STYK1: variants seen among roughly 807,000 people sequenced by gnomAD.
STYK1 encodes STY kinase 1.
Under a neutral mutation model 48.1 loss-of-function variants are expected in STYK1, and 46 were observed. The observed-to-expected ratio is 0.96, with a 90% CI of 0.75 to 1.22. The LOEUF (loss-of-function observed/expected upper bound fraction) is 1.22. Ranked by LOEUF, STYK1 falls within the 50% of genes most tolerant of loss-of-function variation. The pLI, the probability that STYK1 is intolerant of heterozygous loss-of-function variation, is 0.00. For synonymous variants in STYK1, 188 were observed against 189.0 expected (o/e 0.99, Z 0.04); for missense variants, 527 against 521.1 (o/e 1.01, Z -0.11).
chr12:10,644,042 A>C (rs1252936860), intron 1 of STYK1, among the ~76,000 whole-genome samples: 2 of 152,238 alleles, frequency 1.3e-5, no homozygotes. Flanking sequence ...CAACACTTAG[A>C]TGGAACTTAA....
chr12:10,628,492 A>T (rs1344518800), intron 6 of STYK1, among the ~76,000 whole-genome samples: 2 of 152,234 alleles, frequency 1.3e-5, no homozygotes, highest in Admixed American at 1.3e-4. Context: ...CAAGTTTTAG[A>T]TGAGTGACCT....
chr12:10,669,442 T>A (rs571992457), intron 1 of STYK1, among the ~76,000 whole-genome samples: 7 of 151,274 alleles, frequency 4.6e-5, no homozygotes, highest in African/African-American at 1.7e-4. Flanking sequence ...TAAAAATAGA[T>A]AATATACTCA....
intron 1 of STYK1, among the ~76,000 whole-genome samples, chr12:10,652,286 T>C (rs1947670707): frequency 6.6e-6 from 1 of 152,124 alleles, no homozygotes; most frequent in Non-Finnish European, 1.5e-5. Context: ...CTCCCCCTCC[T>C]CCCTTCATTC....
intron 10 of STYK1, 114 bp from the exon 11 acceptor site, chr12:10,620,462 G>C: frequency 1.1e-6 from 1 of 935,456 alleles, no homozygotes; most frequent in South Asian, 1.6e-5. Flanking sequence ...ATTGTCTTCT[G>C]TTTGCCCTGT....
chr12:10,624,546 T>C (rs1947333652), intron 8 of STYK1, 105 bp downstream of exon 8: 1 of 976,936 alleles, frequency 1.0e-6, no homozygotes, highest in South Asian at 1.5e-5. Context: ...GATTTCTAAG[T>C]AGAGATTATA....
Position 10,618,996 on chromosome 12 carries a change from T to A in STYK1, c.*1148A>T, listed in dbSNP as rs962033262. The A allele has an allele frequency of 5.3e-5, 8 of 152,198 alleles. No homozygotes were observed. Among genetic ancestry groups the A allele is most frequent in the Admixed American group, 1.3e-4 (2 of 15,264 alleles). 9.4% of individuals were successfully genotyped at this position (152,198 alleles called of 1,614,324 possible). A position where few individuals can be genotyped will look rare whatever the true frequency, so the allele number is the denominator to read the frequency against. On this transcript the variant is annotated 3_prime_UTR_variant, in exon 11 of 11. Transcript: ENST00000075503. Reference sequence around the variant, plus strand: ...TGCCAGATAGTGTACAAATACATACTCAAAACGTATCAATCCTCAGAACAA... The same window carrying A: ...TGCCAGATAGTGTACAAATACATACACAAAACGTATCAATCCTCAGAACAA...
intron 1 of STYK1, among the ~76,000 whole-genome samples, chr12:10,654,574 C>A (rs1408791199): frequency 6.6e-6 from 1 of 152,066 alleles, no homozygotes; most frequent in Non-Finnish European, 1.5e-5. Context: ...TATGTTTTGC[C>A]CAGGTAAAGG....
chr12:10,672,829 T>C lies in STYK1; in HGVS notation c.-195+1137A>G, dbSNP rs1947904209. On this transcript the variant is annotated intron_variant, in intron 1 of 10. Transcript: ENST00000075503. The surrounding 1 kb of genome is among the most constrained non-coding windows in gnomAD (Gnocchi z 4.0). ...GAACGAAAAAGTATATGATTTTCATTGAAGCAAATACTTCATGATGTCTCA... is the reference window on the plus strand; with the variant it reads ...GAACGAAAAAGTATATGATTTTCATCGAAGCAAATACTTCATGATGTCTCA... 6.6e-6 allele frequency among the ~76,000 whole-genome samples: 1 copy of C among 152,216 alleles called. No individual in the cohort carries two copies. The highest frequency in any genetic ancestry group is 2.1e-4 in the South Asian group (1 of 4,830).
At chr12:10,632,473 G>C (rs1947440228) in intron 4 of STYK1, among the ~76,000 whole-genome samples, 1 of 152,158 alleles carries the variant, frequency 6.6e-6, no homozygotes, top group Non-Finnish European at 1.5e-5. Flanking sequence ...TCATTGGAGA[G>C]TAGTAGGAGA....
rs550685331 is a variant in STYK1 at position 10,620,037 on chromosome 12, T to C, written c.*107A>G. 13 of 1,222,894 alleles carry C rather than the reference T, an allele frequency of 1.1e-5. No homozygotes were observed. In the African/African-American group the frequency reaches 1.3e-4, roughly 13 times the overall value. 75.8% of individuals were successfully genotyped at this position (1,222,894 alleles called of 1,614,324 possible). On this transcript the variant is annotated 3_prime_UTR_variant, in exon 11 of 11. Transcript: ENST00000075503. ...TGTGTAAAGGAAGATCAAGAATCCA[T>C]GTCCCATTTCTCCCTTTGTGTCCCT...
intron 4 of STYK1, 145 bp downstream of exon 4, chr12:10,633,845 T>G (rs1947455526): frequency 1.0e-6 from 1 of 954,178 alleles, no homozygotes; most frequent in African/African-American, 1.6e-5. Flanking sequence ...ATCATCCCCC[T>G]CTCAACTCCA....
intron 1 of STYK1, among the ~76,000 whole-genome samples, chr12:10,671,335 A>T (rs1248749267): frequency 6.6e-6 from 1 of 152,192 alleles, no homozygotes; most frequent in Non-Finnish European, 1.5e-5. Context: ...AAGGGGAATT[A>T]AGGTTACAGA....
chr12:10,632,285 C>A (rs1251750116), intron 4 of STYK1, among the ~76,000 whole-genome samples: 2 of 152,140 alleles, frequency 1.3e-5, no homozygotes, highest in Non-Finnish European at 2.9e-5. Flanking sequence ...CAAGAAAGGC[C>A]TTTCTGATGA....
chr12:10,671,938 C>T (rs148364430), intron 1 of STYK1, among the ~76,000 whole-genome samples: 24 of 152,084 alleles, frequency 1.6e-4, no homozygotes, highest in African/African-American at 5.6e-4. Flanking sequence ...AATTAATATG[C>T]TGACATTCTA....
At position 10,620,140 on chromosome 12, in the gene STYK1, C is replaced by A; in HGVS notation, c.*4G>T. ...ATGCATGAATGTTTCTTGCCCGAGACTCTTCAAAGCATGCTATAGTTGTAG... is the reference window on the plus strand; with the variant it reads ...ATGCATGAATGTTTCTTGCCCGAGAATCTTCAAAGCATGCTATAGTTGTAG... On this transcript the variant is annotated 3_prime_UTR_variant, in exon 11 of 11. Transcript: ENST00000075503. 1 of 1,614,180 alleles carries A rather than the reference C, an allele frequency of 6.2e-7. No individual in the cohort carries two copies. Among genetic ancestry groups the A allele is most frequent in the Non-Finnish European group, 8.5e-7 (1 of 1,180,042 alleles).
intron 1 of STYK1, among the ~76,000 whole-genome samples, chr12:10,639,363 G>A (rs1238393557): frequency 2.0e-5 from 3 of 152,024 alleles, no homozygotes; most frequent in Non-Finnish European, 4.4e-5. Flanking sequence ...AAGAAGGCAA[G>A]GCAGAAACTG....
intron 7 of STYK1, among the ~76,000 whole-genome samples, chr12:10,627,073 C>A (rs968020544): frequency 2.0e-5 from 3 of 152,086 alleles, no homozygotes; most frequent in Admixed American, 6.5e-5. Context: ...TCCAACTGTG[C>A]TCTTCTCATT....
At chr12:10,627,767 T>G in intron 6 of STYK1, 43 bp from the exon 7 acceptor site, 1 of 1,522,570 alleles carries the variant, frequency 6.6e-7, no homozygotes, top group Non-Finnish European at 9.0e-7. Context: ...AAAATAGCAC[T>G]CACAGATTTG....
chr12:10,662,277 C>G (rs914878357), intron 1 of STYK1, among the ~76,000 whole-genome samples: 2 of 152,176 alleles, frequency 1.3e-5, no homozygotes, highest in African/African-American at 4.8e-5. Context: ...AGTGGGTGGG[C>G]ATTTGGATAG....
Sources: allele counts gnomAD v4.1 joint callset (sites outside exome capture counted in the v4.1 genomes callset), GRCh38; gene constraint gnomAD v4.1.1; non-coding constraint Gnocchi (gnomAD v3.1); transcripts MANE v1.5; gene names NCBI Gene and HGNC (gene_info 2026-07-23, HGNC 2026-07-21).